The following GLYATL1 variants were observed in gnomAD, a reference collection of about 807,000 sequenced individuals.
GLYATL1 encodes glycine N-acyltransferase-like protein 1.
Under a neutral mutation model 20.0 loss-of-function variants are expected in GLYATL1, and 15 were observed. The observed-to-expected ratio is 0.75, with a 90% confidence interval of 0.50 to 1.15. The LOEUF (loss-of-function observed/expected upper bound fraction) is 1.15. Ranked by LOEUF, GLYATL1 falls within the 50% of genes most tolerant of loss-of-function variation. The pLI is 0.00. For synonymous variants in GLYATL1, 151 were observed against 131.5 expected, an observed-to-expected ratio of 1.15 and a Z score of -1.01; for missense variants, 380 against 368.5, an observed-to-expected ratio of 1.03 and a Z score of -0.26.
At chr11:58,909,200 T>G (rs891229819), downstream of GLYATL1, among the ~76,000 whole-genome samples, 11 of 152,186 alleles carry the variant, frequency 7.2e-5, no homozygotes, top group Admixed American at 3.3e-4. Context: ...TCTAAAATTG[T>G]CAAACTCATA....
At position 58,955,852 on chromosome 11, in the gene GLYATL1, C is replaced by T; in HGVS notation, c.734C>T (p.Ala245Val). The change falls in exon 7 of 7, where the codon GCA (alanine) becomes GTA (valine). Residue 245 changes from alanine to valine, a missense_variant. Physicochemically the swap from Ala to Val is moderately conservative, Grantham distance 64. Coordinates refer to ENST00000532726, the MANE Select transcript of GLYATL1 (RefSeq NM_001389712.2). ...AAATACCGAAGGACAGGCAACATGG[C>T]ACGAGTGATGGTGCGATACATGAAA... ...MEKYRRTGNM[A>V]RVMVRYMKYL... The T allele has an allele frequency of 6.2e-7, 1 of 1,614,186 alleles. No homozygotes were observed. Among genetic ancestry groups the T allele is most frequent in the South Asian group, 1.1e-5 (1 of 91,084 alleles).
At chr11:58,911,541 A>G (rs473548), downstream of GLYATL1, among the ~76,000 whole-genome samples, 142,835 of 152,280 alleles carry the variant, frequency 0.94, 67,654 homozygotes, top group East Asian at 1. Flanking sequence ...ATCTTTTTGT[A>G]GTATTTGCAT....
At chr11:58,905,713 GACCGGGATGGGTCATCTGGACAAATA>G in intron 1 of GLYATL1, 12 of 424,216 alleles carry the variant, frequency 2.8e-5, no homozygotes, top group Admixed American at 4.9e-5. Context: ...GGATCGCTGG[GACCGGGATGGGTCATCTGGACAAATA>G]GGGAGGGTGG....
intron 1 of GLYATL1, chr11:58,905,673 C>A (rs1220112539): frequency 2.2e-6 from 1 of 446,934 alleles, no homozygotes. Context: ...TACGCGGGAA[C>A]TGGCTGTGGA....
chr11:58,924,229 G>C (rs546815847), upstream of GLYATL1, among the ~76,000 whole-genome samples: 1 of 152,328 alleles, frequency 6.6e-6, no homozygotes, highest in Admixed American at 6.5e-5. Context: ...GTTGATTGTA[G>C]TTCTACTAAC....
In GLYATL1 at chr11:58,955,752, G is replaced by C. The variant is rs139684537; in HGVS notation, c.634G>C (p.Gly212Arg). The change falls in exon 7 of 7, where the codon GGC (glycine) becomes CGC (arginine). Residue 212 changes from glycine (G) to arginine (R), a missense_variant. Physicochemically the swap from Gly to Arg is moderately radical, Grantham distance 125. Transcript: ENST00000532726. ...AGACCTGCCAGCAGCCTGTATGCTC[G>C]GCCCAGAGGGAGTCCCGGTCTCATG... ...IEDLPAACML[G>R]PEGVPVSWVT... is the part of the protein sequence containing the mutation. 1.1e-4 allele frequency: 171 copies of C among 1,614,178 alleles called. 2 individuals are homozygous for C. The Middle Eastern group carries it at 1.5e-3, about 14-fold the overall frequency.
At chr11:58,911,177 G>A (rs377544513), downstream of GLYATL1, among the ~76,000 whole-genome samples, 32 of 152,260 alleles carry the variant, frequency 2.1e-4, no homozygotes, top group South Asian at 5.8e-3. Context: ...CTATTGCTGA[G>A]TAACATTCCA....
intron 1 of GLYATL1, among the ~76,000 whole-genome samples, chr11:58,931,177 T>C (rs574570417): frequency 1.3e-5 from 2 of 152,342 alleles, no homozygotes; most frequent in East Asian, 3.9e-4. Context: ...GTTCCAGGAC[T>C]CTCTCCTTGA....
At chr11:58,920,289 T>C (rs1855277677) in intron 1 of GLYATL1, among the ~76,000 whole-genome samples, 1 of 152,166 alleles carries the variant, frequency 6.6e-6, no homozygotes, top group Non-Finnish European at 1.5e-5. Flanking sequence ...GAAAGAGTTC[T>C]CTTTCTTTGT....
At chr11:58,931,802 A>G (rs1855611282) in intron 1 of GLYATL1, among the ~76,000 whole-genome samples, 1 of 152,210 alleles carries the variant, frequency 6.6e-6, no homozygotes, top group Admixed American at 6.5e-5. Flanking sequence ...TGTCTACAAT[A>G]TTAAATTACT....
intron 4 of GLYATL1, among the ~76,000 whole-genome samples, chr11:58,948,475 C>T (rs2135232879): frequency 6.6e-6 from 1 of 152,182 alleles, no homozygotes; most frequent in South Asian, 2.1e-4. Flanking sequence ...CTCATCTCTA[C>T]AGAAAATAAA....
intron 3 of GLYATL1, chr11:58,947,387 T>A: frequency 1.7e-6 from 1 of 580,304 alleles, no homozygotes; most frequent in Non-Finnish European, 3.0e-6. Flanking sequence ...GGAGAGGCAG[T>A]GGAGCATGGT....
At chr11:58,916,614 C>A (rs1423310392) in intron 1 of GLYATL1, among the ~76,000 whole-genome samples, 1 of 152,232 alleles carries the variant, frequency 6.6e-6, no homozygotes, top group Non-Finnish European at 1.5e-5. Context: ...ACCTCAGACC[C>A]TGTCCTGGCC....
chr11:58,906,381 C>T (rs7122307), intron 1 of GLYATL1, among the ~76,000 whole-genome samples: 144 of 152,180 alleles, frequency 9.5e-4, no homozygotes, highest in Middle Eastern at 3.4e-3. Context: ...CCCTTTGCAC[C>T]CATAGAATGA....
chr11:58,947,025 C>T (rs769374543), intron 2 of GLYATL1, 21 bp from the exon 3 acceptor site: 7 of 1,577,702 alleles, frequency 4.4e-6, no homozygotes, highest in Non-Finnish European at 5.2e-6. Context: ...AACATTTTCC[C>T]TTCATTTCTT....
Position 58,943,629 on chromosome 11 carries a change from T to C in GLYATL1, c.-80T>C, listed in dbSNP as rs201933450. 9.3e-6 allele frequency: 15 copies of C among 1,613,636 alleles called. No individual in the cohort carries two copies. The highest frequency in any genetic ancestry group is 5.0e-5 in the Admixed American group (3 of 60,004). ...ACGGAAGGTACCTGCAGGATCCAAT[T>C]GTGTCCATTGATCTCTCAGAGTGGC... On this transcript the variant is annotated 5_prime_UTR_variant, in exon 2 of 7. Coordinates refer to ENST00000532726, the MANE Select transcript of GLYATL1 (RefSeq NM_001389712.2).
downstream of GLYATL1, among the ~76,000 whole-genome samples, chr11:58,911,732 T>C (rs1443980259): frequency 2.6e-5 from 4 of 152,242 alleles, no homozygotes; most frequent in East Asian, 7.7e-4. Flanking sequence ...TTTCTCATAA[T>C]ATTTGTGATA....
At chr11:58,916,049 C>G (rs1011324354) in intron 1 of GLYATL1, among the ~76,000 whole-genome samples, 1 of 152,182 alleles carries the variant, frequency 6.6e-6, no homozygotes, top group African/African-American at 2.4e-5. Flanking sequence ...AGCAGAAAAC[C>G]CACCACCACT....
rs776726494 is a variant in GLYATL1 at position 58,955,775 on chromosome 11, A to G, written c.657A>G (p.Ser219=). ...CMLGPEGVPV[S]WVTMDPSCEV... The stretch of plus-strand genomic sequence containing the variant: ...TCGGCCCAGAGGGAGTCCCGGTCTC[A>G]TGGGTAACCATGGACCCTTCTTGTG... Residue 219 remains serine, a synonymous_variant, in exon 7 of 7, where the codon TCA becomes TCG. Transcript: ENST00000532726. The G allele has an allele frequency of 2.5e-6, 4 of 1,614,184 alleles. No homozygotes were observed. Among genetic ancestry groups the G allele is most frequent in the Admixed American group, 1.7e-5 (1 of 60,016 alleles).
Sources: allele counts gnomAD v4.1 joint callset (sites outside exome capture counted in the v4.1 genomes callset), GRCh38; gene constraint gnomAD v4.1.1; transcripts MANE v1.5; gene names NCBI Gene and HGNC (gene_info 2026-07-23, HGNC 2026-07-21).